Variants in SCAF8 observed in about 807,000 individuals in gnomAD.
SCAF8 encodes SR-related and CTD-associated factor 8.
In SCAF8, 23 loss-of-function variants were observed where a neutral mutation model predicts 140.5. The observed-to-expected ratio is 0.16, with a 90% CI of 0.12 to 0.23. SCAF8 has a LOEUF of 0.23. SCAF8 is among the 10% of genes least tolerant of loss of function. SCAF8 has a pLI of 1.00. For synonymous variants in SCAF8, 575 were observed against 528.9 expected (o/e 1.09, Z -1.20); for missense variants, 1,397 against 1,555.7 (o/e 0.90, Z 1.72).
chr6:154,788,783 A>G (rs925294124), intron 4 of SCAF8, among the ~76,000 whole-genome samples: 4 of 152,222 alleles, frequency 2.6e-5, no homozygotes, highest in African/African-American at 9.6e-5. Context: ...AATAGCAAGT[A>G]AAAAAGCTTT....
chr6:154,738,613 C>T (rs1248246546), intron 1 of SCAF8, among the ~76,000 whole-genome samples: 24 of 152,186 alleles, frequency 1.6e-4, no homozygotes, highest in Admixed American at 1.6e-3. Context: ...TACAAGATTT[C>T]CTCAGAGGCA....
intron 12 of SCAF8, among the ~76,000 whole-genome samples, chr6:154,813,152 G>C (rs1778145611): frequency 6.6e-6 from 1 of 152,032 alleles, no homozygotes; most frequent in African/African-American, 2.4e-5. Flanking sequence ...AGCTGCAGTG[G>C]GATATGATTG....
rs1176203256 is a variant in SCAF8, at chr6:154,794,759, TGGG to T, written c.476-239_476-237del. Among the ~76,000 whole-genome samples the T allele has an allele frequency of 3.2e-3, 32 of 9,876 alleles. 3 individuals are homozygous for T. Among genetic ancestry groups the T allele is most frequent in the East Asian group, 0.013 (6 of 448 alleles). The allele number at this position is 9,876 out of a possible 152,430, so 6.5% of individuals were successfully genotyped here. ...GACAAATTTGGACAGATCCTTTTGG[TGGG>T]GGGGGGGGGGTGTGGGGGGTGTGTG... On this transcript the variant is annotated intron_variant, in intron 5 of 19. Transcript: ENST00000367178.
In SCAF8 at chr6:154,760,218, C is replaced by A. The variant is rs560351470; in HGVS notation, c.31-13771C>A. 1.7e-4 allele frequency among the ~76,000 whole-genome samples: 26 copies of A among 152,218 alleles called. No homozygotes were observed. The East Asian group carries it at 4.8e-3, about 28-fold the overall frequency. ...CTGAGGTGAGAGAATCACTTTAACC[C>A]GGGTGGTGGAGGCTGCAGTGAGCCA... On this transcript the variant is annotated intron_variant, in intron 1 of 19. Coordinates refer to ENST00000367178, the MANE Select transcript of SCAF8 (RefSeq NM_014892.5).
chr6:154,828,631 C>T (rs887426853), intron 18 of SCAF8, among the ~76,000 whole-genome samples: 4 of 152,070 alleles, frequency 2.6e-5, no homozygotes, highest in African/African-American at 9.7e-5. Flanking sequence ...CAGTATATCC[C>T]AGACAAATCT....
chr6:154,791,689 A>G (rs1777424744), intron 4 of SCAF8, among the ~76,000 whole-genome samples: 1 of 152,318 alleles, frequency 6.6e-6, no homozygotes, highest in South Asian at 2.1e-4. Flanking sequence ...CAGGATCAGC[A>G]GCAACGTTAT....
chr6:154,758,608 G>A (rs1050497826), intron 1 of SCAF8, among the ~76,000 whole-genome samples: 29 of 152,020 alleles, frequency 1.9e-4, no homozygotes, highest in African/African-American at 7.0e-4. Flanking sequence ...AGATGCCAGT[G>A]TTCTTTTTTC....
chr6:154,771,065 T>C (rs9479954), intron 1 of SCAF8, among the ~76,000 whole-genome samples: 57,833 of 152,020 alleles, frequency 0.38, 11,955 homozygotes, highest in East Asian at 0.89. Flanking sequence ...TCTTACTAAG[T>C]TAAATTTCAT....
At position 154,815,806 on chromosome 6, in the gene SCAF8, A is replaced by T; in HGVS notation, c.1511A>T (p.Glu504Val). ...CTGTTTGAAGAGTTTGGACAGATTG[A>T]ATCCATTAATGCAAGTATCAGTTCT... ...TNLFEEFGQI[E>V]SINMIPPRGC... The change falls in exon 13 of 20, where the codon GAA becomes GTA. Residue 504 changes from glutamate (E) to valine (V), a missense_variant. Physicochemically the swap from Glu to Val is moderately radical, Grantham distance 121. Around this residue, in one of 5 missense-constraint regions of SCAF8, gnomAD observed 59 missense variants for 110.7 expected, o/e 0.53. Transcript: ENST00000367178. 1 of 1,600,822 alleles carries T rather than the reference A, an allele frequency of 6.2e-7. No individual in the cohort carries two copies. The highest frequency in any genetic ancestry group is 8.6e-7 in the Non-Finnish European group (1 of 1,168,486).
chr6:154,783,593 G>A (rs374654847), intron 3 of SCAF8, among the ~76,000 whole-genome samples: 55 of 152,296 alleles, frequency 3.6e-4, no homozygotes, highest in Middle Eastern at 6.8e-3. Context: ...GTGCTAAACT[G>A]TCTAGAGATT....
Position 154,743,675 on chromosome 6 carries a change from C to T in SCAF8, c.30+9745C>T, listed in dbSNP as rs1162486024. ...AAGATTTCTGTACAGTGATCAATGT[C>T]TCAGAGGTTGACCAAATCCTAATTA... On this transcript the variant is annotated intron_variant, in intron 1 of 19. Transcript: ENST00000367178. Among the ~76,000 whole-genome samples the T allele has an allele frequency of 2.0e-5, 3 of 152,204 alleles. No homozygotes were observed. In the East Asian group the frequency reaches 5.8e-4, roughly 29 times the overall value.
chr6:154,790,644 G>GGGACTACAGGT (rs1447985979), intron 4 of SCAF8, among the ~76,000 whole-genome samples: 1 of 151,476 alleles, frequency 6.6e-6, no homozygotes, highest in Non-Finnish European at 1.5e-5. Flanking sequence ...CCAAGTAGCT[G>GGGACTACAGGT]GGACTACAGG....
At chr6:154,771,389 C>T (rs1186006666) in intron 1 of SCAF8, among the ~76,000 whole-genome samples, 2 of 152,020 alleles carry the variant, frequency 1.3e-5, no homozygotes, top group East Asian at 3.9e-4. Flanking sequence ...GGCCCTGTGG[C>T]AGGGACCTGA....
Position 154,759,664 on chromosome 6 carries a change from A to ATT in SCAF8, c.31-14308_31-14307dup, listed in dbSNP as rs67700317. ...ATTAGAATCTCCAGATGTCATAATAATTTTTTTTTTTTTTTTTTGAGATGG... is the reference window on the plus strand; with the variant it reads ...ATTAGAATCTCCAGATGTCATAATAATTTTTTTTTTTTTTTTTTTTGAGATGG... On this transcript the variant is annotated intron_variant, in intron 1 of 19. Coordinates refer to ENST00000367178, the MANE Select transcript of SCAF8 (RefSeq NM_014892.5). Among the ~76,000 whole-genome samples, 340 of 133,278 alleles carry ATT rather than the reference A, an allele frequency of 2.6e-3. 3 individuals are homozygous for ATT. Among genetic ancestry groups the ATT allele is most frequent in the African/African-American group, 5.0e-3 (177 of 35,234 alleles). The allele number at this position is 133,278 out of a possible 152,430, so 87.4% of individuals were successfully genotyped here. A position where few individuals can be genotyped will look rare whatever the true frequency, so the allele number is the denominator to read the frequency against.
intron 9 of SCAF8, among the ~76,000 whole-genome samples, chr6:154,807,568 G>GAC (rs1397500011): frequency 6.6e-6 from 1 of 152,146 alleles, no homozygotes; most frequent in Non-Finnish European, 1.5e-5. Context: ...TTTCAGTAGA[G>GAC]ACGGGTTTCA....
At chr6:154,737,882 C>G (rs954141917) in intron 1 of SCAF8, among the ~76,000 whole-genome samples, 1 of 152,214 alleles carries the variant, frequency 6.6e-6, no homozygotes, top group East Asian at 1.9e-4. Context: ...GTGCCTGCCC[C>G]AAATTAAATG....
At chr6:154,795,515 A>T (rs1160714863) in intron 6 of SCAF8, among the ~76,000 whole-genome samples, 1 of 152,208 alleles carries the variant, frequency 6.6e-6, no homozygotes, top group South Asian at 2.1e-4. Flanking sequence ...GATTAATGAC[A>T]TTAAGAAAGG....
At position 154,822,163 on chromosome 6, in the gene SCAF8, T is replaced by G. The variant is rs182732938; in HGVS notation, c.1793-113T>G. On this transcript the variant is annotated intron_variant, in intron 15 of 19. Coordinates refer to ENST00000367178, the MANE Select transcript of SCAF8 (RefSeq NM_014892.5). The stretch of plus-strand genomic sequence containing the variant: ...TGGCACCTACGGTTGTGGATATATC[T>G]TAAAGATGTGCCAAGGTAGATGAAG... 1.9e-5 allele frequency: 22 copies of G among 1,130,646 alleles called. No individual in the cohort carries two copies. In the Admixed American group the frequency reaches 5.4e-4, roughly 28 times the overall value. 70.0% of individuals were successfully genotyped at this position (1,130,646 alleles called of 1,614,324 possible). A position where few individuals can be genotyped will look rare whatever the true frequency, so the allele number is the denominator to read the frequency against.
At chr6:154,791,994 GTTTT>G (rs554862924) in intron 4 of SCAF8, among the ~76,000 whole-genome samples, 2 of 151,916 alleles carry the variant, frequency 1.3e-5, no homozygotes, top group Non-Finnish European at 2.9e-5. Flanking sequence ...TGGCAAGCAG[GTTTT>G]TTATTTTTTA....
Sources: allele counts gnomAD v4.1 joint callset (sites outside exome capture counted in the v4.1 genomes callset), GRCh38; gene constraint gnomAD v4.1.1; regional missense constraint gnomAD v4.1.1; transcripts MANE v1.5; gene names NCBI Gene and HGNC (gene_info 2026-07-23, HGNC 2026-07-21).